Variants in NDRG2 observed in about 807,000 individuals in gnomAD.
The protein encoded by NDRG2 is NDRG family member 2.
A neutral mutation model predicts 58.2 loss-of-function variants in NDRG2; 34 were observed. The observed-to-expected ratio is 0.58, with a 90% CI of 0.44 to 0.78. The LOEUF (loss-of-function observed/expected upper bound fraction) is 0.78. Among genes scored for constraint, NDRG2 ranks in the 30% least tolerant of loss-of-function variants. NDRG2 has a pLI of 0.00. For missense variants in NDRG2, 434 were observed against 471.2 expected, an observed-to-expected ratio of 0.92 and a Z score of 0.73; for synonymous variants, 187 against 175.9, an observed-to-expected ratio of 1.06 and a Z score of -0.50.
intron 6 of NDRG2, 28 bp downstream of exon 6, chr14:21,021,789 G>T (rs767489254): frequency 2.5e-5 from 40 of 1,605,116 alleles, no homozygotes; most frequent in Non-Finnish European, 3.1e-5. Flanking sequence ...AGAGAACTCT[G>T]GTTTGGAGGG....
chr14:21,020,667 C>T, intron 7 of NDRG2, 85 bp from the exon 8 acceptor site: 1 of 1,576,796 alleles, frequency 6.3e-7, no homozygotes, highest in Non-Finnish European at 8.7e-7. Context: ...CCTGGACTCC[C>T]ACAGGGCCTG....
At chr14:21,031,382 T>C (rs901015611) in intron 1 of NDRG2, 1 of 551,894 alleles carries the variant, frequency 1.8e-6, no homozygotes, top group Non-Finnish European at 3.0e-6. Flanking sequence ...TTTAGACTAA[T>C]TTCCAAGTGT....
intron 1 of NDRG2, chr14:21,033,489 A>T: frequency 2.7e-6 from 1 of 377,274 alleles, no homozygotes; most frequent in Non-Finnish European, 5.0e-6. Context: ...CTGGGCCTCC[A>T]TCCAGGACTT....
chr14:21,021,971 C>T (rs1880681618), intron 5 of NDRG2, 91 bp downstream of exon 5: 1 of 1,611,596 alleles, frequency 6.2e-7, no homozygotes, highest in East Asian at 2.2e-5. Context: ...AGAATAACCA[C>T]TGCCCTCCCT....
chr14:21,059,681 G>T (rs1464706495), intron 1 of NDRG2, among the ~76,000 whole-genome samples: 1 of 151,902 alleles, frequency 6.6e-6, no homozygotes, highest in Non-Finnish European at 1.5e-5. Flanking sequence ...GCATTTTTTT[G>T]TAGAGACAGG....
At chr14:21,060,062 C>T (rs1056854161) in intron 1 of NDRG2, among the ~76,000 whole-genome samples, 1 of 152,166 alleles carries the variant, frequency 6.6e-6, no homozygotes, top group Non-Finnish European at 1.5e-5. Flanking sequence ...ACAAGACACC[C>T]CCTCTTCTTC....
intron 1 of NDRG2, chr14:21,058,372 G>T: frequency 6.4e-7 from 1 of 1,554,850 alleles, no homozygotes; most frequent in Non-Finnish European, 8.8e-7. Flanking sequence ...TGGTGCCCAC[G>T]TTCCACCTCA....
At chr14:21,041,545 T>C (rs973529498) in intron 1 of NDRG2, among the ~76,000 whole-genome samples, 9 of 152,158 alleles carry the variant, frequency 5.9e-5, no homozygotes, top group African/African-American at 2.2e-4. Flanking sequence ...TCACAAGAGC[T>C]TGGAGTAGCA....
At chr14:21,031,350 C>A in intron 1 of NDRG2, 1 of 663,956 alleles carries the variant, frequency 1.5e-6, no homozygotes, top group East Asian at 3.0e-5. Context: ...TGCCCAAGGT[C>A]CATGGCTATT....
chr14:21,031,741 G>A (rs1884180395), intron 1 of NDRG2: 1 of 798,002 alleles, frequency 1.3e-6, no homozygotes, highest in East Asian at 2.7e-5. Context: ...CCTGCCCACA[G>A]CTGTATCTGG....
intron 1 of NDRG2, chr14:21,058,164 AT>A: frequency 6.2e-7 from 1 of 1,614,148 alleles, no homozygotes; most frequent in Non-Finnish European, 8.5e-7. Flanking sequence ...GCCTGCAAGA[AT>A]AGCTGTAAAA....
chr14:21,020,621 A>G, intron 7 of NDRG2, 39 bp from the exon 8 acceptor site: 1 of 1,603,488 alleles, frequency 6.2e-7, no homozygotes, highest in Non-Finnish European at 8.5e-7. Flanking sequence ...GAAACAGGGC[A>G]TGGCCTTATC....
intron 1 of NDRG2, among the ~76,000 whole-genome samples, chr14:21,031,570 A>G (rs1884151834): frequency 2.0e-5 from 3 of 152,098 alleles, no homozygotes; most frequent in African/African-American, 7.2e-5. Flanking sequence ...CTCTTTCTAC[A>G]GTGGATATTG....
intron 1 of NDRG2, among the ~76,000 whole-genome samples, chr14:21,066,928 C>T (rs935632600): frequency 6.6e-6 from 1 of 152,202 alleles, no homozygotes. Context: ...TATTGATCCC[C>T]AGATTCCTTG....
rs1886373073 is a variant in NDRG2 at position 21,068,060 on chromosome 14, C to CG, written c.24+2767dup. ...TGTCGCCCAGGCTGGAGTGCAGTGG[C>CG]GCGATCTCGGCTCACTGCAAGCTCC... On this transcript the variant is annotated intron_variant, in intron 1 of 14. Coordinates refer to the NDRG2 transcript ENST00000403829. Among the ~76,000 whole-genome samples, 2 of 10,598 alleles carry CG rather than the reference C, an allele frequency of 1.9e-4. 1 individual carries two copies. The highest frequency in any genetic ancestry group is 5.5e-3 in the South Asian group (2 of 362). 7.0% of individuals were successfully genotyped at this position (10,598 alleles called of 152,430 possible).
intron 1 of NDRG2, among the ~76,000 whole-genome samples, chr14:21,069,849 G>T (rs1031571880): frequency 6.6e-6 from 1 of 152,232 alleles, no homozygotes; most frequent in African/African-American, 2.4e-5. Flanking sequence ...AGAGGATCCC[G>T]GGCGAGTTAG....
chr14:21,026,701 C>A (rs1286004023), upstream of NDRG2, among the ~76,000 whole-genome samples: 1 of 152,106 alleles, frequency 6.6e-6, no homozygotes, highest in Admixed American at 6.5e-5. Flanking sequence ...CCTACATCCC[C>A]CAATTTGGAG....
At chr14:21,049,488 A>G (rs1404612184) in intron 1 of NDRG2, among the ~76,000 whole-genome samples, 1 of 152,106 alleles carries the variant, frequency 6.6e-6, no homozygotes, top group Non-Finnish European at 1.5e-5. Flanking sequence ...GGGTCGTGGC[A>G]TTTAGCACAA....
chr14:21,070,310 G>A lies in NDRG2; in HGVS notation c.24+518C>T, dbSNP rs1026561734. The A allele has an allele frequency of 5.4e-5, 74 of 1,369,636 alleles. No homozygotes were observed. Among genetic ancestry groups the A allele is most frequent in the Non-Finnish European group, 6.7e-5 (71 of 1,060,344 alleles). The allele number at this position is 1,369,636 out of a possible 1,614,324, so 84.8% of individuals were successfully genotyped here. On this transcript the variant is annotated intron_variant, in intron 1 of 14. Transcript: ENST00000403829. The surrounding 1 kb of genome is among the most constrained non-coding windows in gnomAD (Gnocchi z 4.7). Reference sequence around the variant, plus strand: ...CCGGAGCTGTCCCTTAGCCAGACCCGGCGAGACACGAGCGGCGGGAGGGAG... The same window carrying A: ...CCGGAGCTGTCCCTTAGCCAGACCCAGCGAGACACGAGCGGCGGGAGGGAG...
Sources: gnomAD v4.1 joint callset for allele counts (sites outside exome capture counted in the v4.1 genomes callset) on GRCh38, gnomAD v4.1.1 for gene constraint, Gnocchi (gnomAD v3.1) non-coding constraint, MANE v1.5 for transcripts, NCBI Gene and HGNC (gene_info 2026-07-23, HGNC 2026-07-21) for gene names.